The following DDX39A variants were observed in gnomAD, a reference collection of about 807,000 sequenced individuals.
DDX39A encodes DExD-box helicase 39A, also known as ATP-dependent RNA helicase DDX39A.
Under a neutral mutation model 46.3 loss-of-function variants are expected in DDX39A, and 13 were observed. The observed-to-expected ratio is 0.28, with a 90% CI of 0.18 to 0.45. The LOEUF (loss-of-function observed/expected upper bound fraction) is 0.45, where lower values mean the gene tolerates loss of function less well. Ranked by LOEUF, DDX39A falls within the 20% of genes least tolerant of loss-of-function variation. The probability of loss-of-function intolerance (pLI) is 1.00; values close to 1 mark genes in which losing one functional copy is unlikely to be tolerated. For missense variants in DDX39A, 352 were observed against 581.8 expected, an observed-to-expected ratio of 0.61 and a Z score of 4.06; for synonymous variants, 234 against 224.6, an observed-to-expected ratio of 1.04 and a Z score of -0.38.
chr19:14,410,977 C>A lies in DDX39A; in HGVS notation c.613+12G>T. 6.4e-7 allele frequency: 1 copy of A among 1,552,472 alleles called. No individual in the cohort carries two copies. On this transcript the variant is annotated intron_variant, in intron 5 of 10. Transcript: ENST00000242776. This position sits in a 1 kb window ranked among gnomAD's most constrained non-coding sequence, Gnocchi z 4.3. ...TGACTCTCAGCTGGGGCTGCAAGGG[C>A]AGAGGACTCACCCAGCTGCTCCAGC... is the stretch of plus-strand genomic sequence containing the variant.
chr19:14,417,368 C>G (rs1259396386), intron 1 of DDX39A, among the ~76,000 whole-genome samples: 1 of 151,932 alleles, frequency 6.6e-6, no homozygotes. Flanking sequence ...CTTCTGTAAT[C>G]CCAGCACTTT....
Position 14,412,775 on chromosome 19 carries a change from AAG to A in DDX39A, c.209-99_209-98del. 2.0e-6 allele frequency: 3 copies of A among 1,498,314 alleles called. No homozygotes were observed. In the South Asian group the frequency reaches 3.8e-5, roughly 19 times the overall value. The allele number at this position is 1,498,314 out of a possible 1,614,324, so 92.8% of individuals were successfully genotyped here. On this transcript the variant is annotated intron_variant, in intron 2 of 10. Transcript: ENST00000242776. The surrounding 1 kb of genome is among the most constrained non-coding windows in gnomAD (Gnocchi z 4.4). Reference sequence around the variant, plus strand: ...GGGGGCCCACAGTGAGGGCAATCAGAAGAGGCCGAGTCCGGACAAGGCCACAG... The same window carrying A: ...GGGGGCCCACAGTGAGGGCAATCAGAAGGCCGAGTCCGGACAAGGCCACAG...
chr19:14,408,872 C>T lies in DDX39A; in HGVS notation c.*64G>A, dbSNP rs559768023. On this transcript the variant is annotated 3_prime_UTR_variant, in exon 11 of 11. Transcript: ENST00000242776. ...AATCTCTAGCTTCTCAACAGTGGCG[C>T]CTGGAAAGGGGAGGTGAAGCTGCAT... 5.9e-6 allele frequency: 9 copies of T among 1,528,904 alleles called. No homozygotes were observed. The African/African-American group carries it at 1.1e-4, about 19-fold the overall frequency. The allele number at this position is 1,528,904 out of a possible 1,614,324, so 94.7% of individuals were successfully genotyped here. A position where few individuals can be genotyped will look rare whatever the true frequency, so the allele number is the denominator to read the frequency against.
At chr19:14,414,651 A>C (rs1378198235) in intron 1 of DDX39A, among the ~76,000 whole-genome samples, 3 of 145,070 alleles carry the variant, frequency 2.1e-5, no homozygotes, top group African/African-American at 7.5e-5. Context: ...GCCTGGCCTT[A>C]TTATTATTTT....
intron 1 of DDX39A, 126 bp from the exon 2 acceptor site, chr19:14,413,350 G>T: frequency 1.2e-6 from 1 of 837,908 alleles, no homozygotes. Flanking sequence ...GCTGCACCTC[G>T]CAGCTTCGCC....
At position 14,410,081 on chromosome 19, in the gene DDX39A, G is replaced by T. The variant is rs902790450; in HGVS notation, c.732+135C>A. ...GCTTGACTCCCAGTTTGACAAGACC[G>T]AGGGGAGGAAAGGAGGCTCCGCCGG... On this transcript the variant is annotated intron_variant, in intron 6 of 10. Coordinates refer to ENST00000242776, the MANE Select transcript of DDX39A (RefSeq NM_005804.4). The surrounding 1 kb of genome is among the most constrained non-coding windows in gnomAD (Gnocchi z 4.3). 14 of 1,035,496 alleles carry T rather than the reference G, an allele frequency of 1.4e-5. No individual in the cohort carries two copies. The highest frequency in any genetic ancestry group is 2.1e-5 in the Non-Finnish European group (14 of 670,794). The allele number at this position is 1,035,496 out of a possible 1,614,324, so 64.1% of individuals were successfully genotyped here.
chr19:14,411,062 C>T lies in DDX39A; in HGVS notation c.540G>A (p.Arg180=), dbSNP rs1419717512. Residue 180 remains arginine (R), a synonymous_variant, in exon 5 of 11, where the codon CGG becomes CGA. Coordinates refer to ENST00000242776, the MANE Select transcript of DDX39A (RefSeq NM_005804.4). The surrounding 1 kb of genome is among the most constrained non-coding windows in gnomAD (Gnocchi z 4.1). ...CATTCTTTAGGCTGAAGCTCCTATT[C>T]CGCACGAGCGCCAGGATGCGGCCCG... ...GTPGRILALV[R]NRSFSLKNVK... The T allele has an allele frequency of 1.9e-6, 3 of 1,612,804 alleles. No homozygotes were observed. The highest frequency in any genetic ancestry group is 2.2e-5 in the East Asian group (1 of 44,848).
intron 1 of DDX39A, among the ~76,000 whole-genome samples, chr19:14,417,407 G>A (rs1177823577): frequency 6.7e-6 from 1 of 148,558 alleles, no homozygotes; most frequent in African/African-American, 2.5e-5. Flanking sequence ...GATGGCTTGA[G>A]CCCAGGAGTT....
chr19:14,409,869 A>G lies in DDX39A; in HGVS notation c.737T>C (p.Met246Thr). The G allele has an allele frequency of 8.1e-6, 13 of 1,611,824 alleles. No individual in the cohort carries two copies. Among genetic ancestry groups the G allele is most frequent in the Non-Finnish European group, 1.1e-5 (13 of 1,178,686 alleles). ...PVCRKFMQDP[M>T]EVFVDDETKL... ...GGTCTCGTCGTCCACAAACACCTCC[A>G]TGGGCTGTGTGGGAAGGGAGGTGGG... is the stretch of plus-strand genomic sequence containing the variant. The change falls in exon 7 of 11, where the codon ATG (methionine) becomes ACG (threonine). Residue 246 changes from methionine to threonine, a missense_variant. Around this residue, in one of 3 missense-constraint regions of DDX39A, gnomAD observed 301 missense variants for 469.9 expected, o/e 0.64. Coordinates refer to ENST00000242776, the MANE Select transcript of DDX39A (RefSeq NM_005804.4). This position sits in a 1 kb window ranked among gnomAD's most constrained non-coding sequence, Gnocchi z 8.3.
intron 1 of DDX39A, among the ~76,000 whole-genome samples, chr19:14,415,627 A>G (rs564511067): frequency 6.6e-6 from 1 of 151,748 alleles, no homozygotes; most frequent in East Asian, 2.0e-4. Context: ...CTAATGTTCC[A>G]TCTCACCAAC....
intron 1 of DDX39A, 116 bp downstream of exon 1, chr19:14,419,154 A>G (rs1442820784): frequency 3.6e-6 from 1 of 274,594 alleles, no homozygotes; most frequent in South Asian, 2.2e-5. Context: ...CCCCGCCCCC[A>G]CCGTCTCGCG....
chr19:14,417,779 C>G (rs1976871336), intron 1 of DDX39A, among the ~76,000 whole-genome samples: 1 of 151,960 alleles, frequency 6.6e-6, no homozygotes. Flanking sequence ...CCGGGAGGAT[C>G]GCTTGAGCCA....
rs1260034871 is a variant in DDX39A at position 14,413,275 on chromosome 19, A to G, written c.-4-51T>C. ...CGCGAGTGGGCACAGAAGGATGATG[A>G]AGCTTCATTCAAATGGCATTCTCTG... On this transcript the variant is annotated intron_variant, in intron 1 of 10. Coordinates refer to ENST00000242776, the MANE Select transcript of DDX39A (RefSeq NM_005804.4). The G allele has an allele frequency of 2.6e-6, 4 of 1,524,262 alleles. No individual in the cohort carries two copies. In the East Asian group the frequency reaches 9.1e-5, roughly 35 times the overall value. The allele number at this position is 1,524,262 out of a possible 1,614,324, so 94.4% of individuals were successfully genotyped here. A position where few individuals can be genotyped will look rare whatever the true frequency, so the allele number is the denominator to read the frequency against.
chr19:14,419,066 C>T (rs995733595), intron 1 of DDX39A: 7 of 446,060 alleles, frequency 1.6e-5, no homozygotes, highest in Non-Finnish European at 2.7e-5. Flanking sequence ...GAGCACCGCG[C>T]GCCAACGGCT....
chr19:14,411,064 G>T lies in DDX39A; in HGVS notation c.538C>A (p.Arg180=). The T allele has an allele frequency of 1.2e-6, 2 of 1,612,344 alleles. No homozygotes were observed. The highest frequency in any genetic ancestry group is 1.7e-6 in the Non-Finnish European group (2 of 1,179,186). ...TTCTTTAGGCTGAAGCTCCTATTCC[G>T]CACGAGCGCCAGGATGCGGCCCGGG... is the stretch of plus-strand genomic sequence containing the variant. ...GTPGRILALV[R]NRSFSLKNVK... is the part of the protein sequence containing the mutation. Residue 180 remains arginine (R), a synonymous_variant, in exon 5 of 11, where the codon CGG becomes AGG. Coordinates refer to ENST00000242776, the MANE Select transcript of DDX39A (RefSeq NM_005804.4). The surrounding 1 kb of genome is among the most constrained non-coding windows in gnomAD (Gnocchi z 4.1).
Position 14,412,831 on chromosome 19 carries a change from G to T in DDX39A, c.209-153C>A. 7.7e-7 allele frequency: 1 copy of T among 1,292,264 alleles called. No individual in the cohort carries two copies. The highest frequency in any genetic ancestry group is 1.1e-6 in the Non-Finnish European group (1 of 951,998). 80.0% of individuals were successfully genotyped at this position (1,292,264 alleles called of 1,614,324 possible). On this transcript the variant is annotated intron_variant, in intron 2 of 10. Coordinates refer to ENST00000242776, the MANE Select transcript of DDX39A (RefSeq NM_005804.4). The surrounding 1 kb of genome is among the most constrained non-coding windows in gnomAD (Gnocchi z 4.4). ...CCTGCAGGGCTGGGGTATCCGCCTG[G>T]TCAAAGCAGAACGCCCCACTGCCGA... is the stretch of plus-strand genomic sequence containing the variant.
chr19:14,418,658 C>T (rs1251407224), intron 1 of DDX39A, among the ~76,000 whole-genome samples: 1 of 151,904 alleles, frequency 6.6e-6, no homozygotes, highest in Non-Finnish European at 1.5e-5. Flanking sequence ...GACGAGGTTT[C>T]ACCATGTTGG....
chr19:14,412,749 C>T lies in DDX39A; in HGVS notation c.209-71G>A, dbSNP rs778764053. On this transcript the variant is annotated intron_variant, in intron 2 of 10. Coordinates refer to ENST00000242776, the MANE Select transcript of DDX39A (RefSeq NM_005804.4). This position sits in a 1 kb window ranked among gnomAD's most constrained non-coding sequence, Gnocchi z 4.4. ...CCGTGCAGGATCCTCACCAGTTGAC[C>T]GGGGGCCCACAGTGAGGGCAATCAG... is the stretch of plus-strand genomic sequence containing the variant. 26 of 1,537,772 alleles carry T rather than the reference C, an allele frequency of 1.7e-5. No individual in the cohort carries two copies. The highest frequency in any genetic ancestry group is 2.2e-5 in the Non-Finnish European group (25 of 1,145,676).
At position 14,409,292 on chromosome 19, in the gene DDX39A, A is replaced by G; in HGVS notation, c.1119+11T>C. The G allele has an allele frequency of 6.2e-7, 1 of 1,614,186 alleles. No homozygotes were observed. The highest frequency in any genetic ancestry group is 8.5e-7 in the Non-Finnish European group (1 of 1,180,018). On this transcript the variant is annotated intron_variant, in intron 9 of 10. Coordinates refer to ENST00000242776, the MANE Select transcript of DDX39A (RefSeq NM_005804.4). The surrounding 1 kb of genome is among the most constrained non-coding windows in gnomAD (Gnocchi z 8.3). ...GCCAGGGGAAAGCAACATGCCCGTG[A>G]GGCTGCTCACCCGGTGCAGGTAGGT...
Sources: allele counts gnomAD v4.1 joint callset (sites outside exome capture counted in the v4.1 genomes callset), GRCh38; gene constraint gnomAD v4.1.1; regional missense constraint gnomAD v4.1.1; non-coding constraint Gnocchi (gnomAD v3.1); transcripts MANE v1.5; gene names NCBI Gene and HGNC (gene_info 2026-07-23, HGNC 2026-07-21).